SCHIP1: variants seen among roughly 807,000 people sequenced by gnomAD.
SCHIP1 encodes the protein schwannomin-interacting protein 1.
In SCHIP1, 8 loss-of-function variants were observed where a neutral mutation model predicts 29.7. The ratio of observed to expected loss-of-function variants is 0.27; its 90% CI spans 0.16 to 0.49. The LOEUF (loss-of-function observed/expected upper bound fraction) is 0.49, where lower values mean the gene tolerates loss of function less well. SCHIP1 is among the 20% of genes least tolerant of loss of function. The pLI is 0.99. For missense variants in SCHIP1, 193 were observed against 294.6 expected (o/e 0.66, Z 2.52); for synonymous variants, 76 against 94.9 (o/e 0.80, Z 1.16).
the SCHIP1 span, among the ~76,000 whole-genome samples, chr3:159,591,694 C>T: frequency 1.3e-5 from 2 of 152,192 alleles, no homozygotes; most frequent in African/African-American, 4.8e-5. Flanking sequence ...CACATGTTCT[C>T]ACTCATAAGT....
At chr3:159,835,102 T>C (rs1309473964), upstream of SCHIP1, among the ~76,000 whole-genome samples, 2 of 152,212 alleles carry the variant, frequency 1.3e-5, no homozygotes, top group Non-Finnish European at 2.9e-5. Context: ...CTTTCCCCAA[T>C]TTCCTGAGGA....
At chr3:159,288,546 T>C in the SCHIP1 span, among the ~76,000 whole-genome samples, 2 of 152,162 alleles carry the variant, frequency 1.3e-5, no homozygotes, top group South Asian at 4.1e-4. Flanking sequence ...GAGATCAGCC[T>C]GATCAACATG....
At chr3:159,795,115 T>C in the SCHIP1 span, among the ~76,000 whole-genome samples, 1 of 152,178 alleles carries the variant, frequency 6.6e-6, no homozygotes, top group African/African-American at 2.4e-5. Context: ...GCGATATAGA[T>C]GTGGTTAATA....
chr3:159,621,677 T>C, the SCHIP1 span, among the ~76,000 whole-genome samples: 5 of 152,184 alleles, frequency 3.3e-5, no homozygotes, highest in Non-Finnish European at 5.9e-5. Context: ...TCTTTGTTTT[T>C]TTTTTGAGAC....
At chr3:159,419,851 A>C in the SCHIP1 span, among the ~76,000 whole-genome samples, 1 of 152,352 alleles carries the variant, frequency 6.6e-6, no homozygotes, top group African/African-American at 2.4e-5. Flanking sequence ...GTGGACAGCC[A>C]GGTCACAGTC....
the SCHIP1 span, among the ~76,000 whole-genome samples, chr3:159,308,513 C>A: frequency 6.6e-6 from 1 of 151,904 alleles, no homozygotes; most frequent in Non-Finnish European, 1.5e-5. Context: ...CATTATTAAA[C>A]AGATGCTGGT....
chr3:159,455,321 A>T, the SCHIP1 span, among the ~76,000 whole-genome samples: 16 of 152,266 alleles, frequency 1.1e-4, no homozygotes, highest in South Asian at 3.1e-3. Flanking sequence ...GCACTAGAAG[A>T]CTCATATCCC....
the SCHIP1 span, among the ~76,000 whole-genome samples, chr3:159,460,916 A>AAGTT: frequency 6.6e-6 from 1 of 152,158 alleles, no homozygotes; most frequent in Admixed American, 6.6e-5. Flanking sequence ...ATTGCAAAGT[A>AAGTT]AGTTAGTAGG....
chr3:159,556,908 G>A, the SCHIP1 span, among the ~76,000 whole-genome samples: 1 of 148,942 alleles, frequency 6.7e-6, no homozygotes, highest in Non-Finnish European at 1.5e-5. Context: ...CCTAAAACTT[G>A]AAGTATAATA....
At chr3:159,385,537 A>T in the SCHIP1 span, among the ~76,000 whole-genome samples, 3 of 151,164 alleles carry the variant, frequency 2.0e-5, no homozygotes, top group Non-Finnish European at 4.4e-5. Context: ...AGCCTGGGAG[A>T]TAGATCAAGA....
the SCHIP1 span, among the ~76,000 whole-genome samples, chr3:159,506,543 T>C: frequency 6.6e-6 from 1 of 152,246 alleles, no homozygotes; most frequent in Non-Finnish European, 1.5e-5. Context: ...TCCTTGCCCA[T>C]GCCTATGTCC....
At chr3:159,390,254 T>A in the SCHIP1 span, among the ~76,000 whole-genome samples, 1 of 152,120 alleles carries the variant, frequency 6.6e-6, no homozygotes, top group Non-Finnish European at 1.5e-5. Context: ...TGGTTAACTT[T>A]TATGAGACAA....
chr3:159,790,829 T>G, the SCHIP1 span, among the ~76,000 whole-genome samples: 1 of 152,264 alleles, frequency 6.6e-6, no homozygotes, highest in Non-Finnish European at 1.5e-5. Flanking sequence ...GCTTTCTGCC[T>G]TTATCATTGC....
chr3:159,881,944 C>T (rs1052214655), intron 2 of SCHIP1, among the ~76,000 whole-genome samples: 1 of 152,188 alleles, frequency 6.6e-6, no homozygotes, highest in African/African-American at 2.4e-5. Flanking sequence ...CTCTGTGCTA[C>T]GAAGTTACAC....
chr3:159,532,865 G>T, the SCHIP1 span, among the ~76,000 whole-genome samples: 4 of 152,186 alleles, frequency 2.6e-5, no homozygotes, highest in Non-Finnish European at 5.9e-5. Flanking sequence ...GCAGAGTTGT[G>T]TATTGAGTGA....
chr3:159,627,813 T>A, the SCHIP1 span, among the ~76,000 whole-genome samples: 1 of 152,218 alleles, frequency 6.6e-6, no homozygotes, highest in Non-Finnish European at 1.5e-5. Flanking sequence ...ATTGAGGCAA[T>A]GTCAATATTG....
At chr3:159,295,206 A>G in the SCHIP1 span, among the ~76,000 whole-genome samples, 1 of 146,066 alleles carries the variant, frequency 6.8e-6, no homozygotes, top group Admixed American at 7.1e-5. Flanking sequence ...TCATGAGGTC[A>G]GGAGTTCGAG....
At chr3:159,400,386 A>C in the SCHIP1 span, among the ~76,000 whole-genome samples, 10 of 152,182 alleles carry the variant, frequency 6.6e-5, no homozygotes, top group African/African-American at 2.2e-4. Flanking sequence ...GATGTATTGA[A>C]TATTCATTAA....
the SCHIP1 span, among the ~76,000 whole-genome samples, chr3:159,601,953 G>A: frequency 6.6e-6 from 1 of 152,212 alleles, no homozygotes; most frequent in Non-Finnish European, 1.5e-5. Flanking sequence ...TGCTCCAAAA[G>A]TGTACTCTGC....
Sources: allele counts gnomAD v4.1 joint callset (sites outside exome capture counted in the v4.1 genomes callset), GRCh38; gene constraint gnomAD v4.1.1; transcripts MANE v1.5; gene names NCBI Gene and HGNC (gene_info 2026-07-23, HGNC 2026-07-21).